The following CDH17 variants were observed in gnomAD, a reference collection of about 807,000 sequenced individuals.
The protein encoded by CDH17 is cadherin-17.
CDH17 carries 67 observed loss-of-function variants against 86.3 expected under a neutral mutation model. The observed-to-expected ratio is 0.78, with a 90% confidence interval of 0.64 to 0.95. The LOEUF (loss-of-function observed/expected upper bound fraction) is 0.95. Ranked by LOEUF, CDH17 falls within the 40% of genes least tolerant of loss-of-function variation. The probability of loss-of-function intolerance (pLI) is 0.00; values close to 1 mark genes in which losing one functional copy is unlikely to be tolerated. For missense variants in CDH17, 993 were observed against 1,017.6 expected (o/e 0.98, Z 0.33); for synonymous variants, 367 against 366.4 (o/e 1.00, Z -0.02).
At chr8:94,201,375 T>C (rs577487701) in intron 1 of CDH17, among the ~76,000 whole-genome samples, 57 of 152,186 alleles carry the variant, frequency 3.7e-4, no homozygotes, top group Non-Finnish European at 7.3e-4. Flanking sequence ...GTGACTTTAT[T>C]TGGAGTCTTT....
intron 15 of CDH17, among the ~76,000 whole-genome samples, chr8:94,144,495 G>C (rs531320082): frequency 6.6e-6 from 1 of 152,062 alleles, no homozygotes; most frequent in South Asian, 2.1e-4. Flanking sequence ...ATAAAGCAAA[G>C]TGCAATAAGA....
At chr8:94,205,188 T>A (rs1024640355) in intron 1 of CDH17, among the ~76,000 whole-genome samples, 18 of 152,140 alleles carry the variant, frequency 1.2e-4, no homozygotes, top group African/African-American at 3.4e-4. Context: ...CTCCCCCAGA[T>A]CTAGCAGAAC....
intron 2 of CDH17, among the ~76,000 whole-genome samples, chr8:94,192,311 C>T (rs1322420560): frequency 6.6e-6 from 1 of 152,176 alleles, no homozygotes; most frequent in African/African-American, 2.4e-5. Flanking sequence ...GACAAGATGG[C>T]GGCTTTATGC....
chr8:94,214,833 T>C (rs945738161), intron 1 of CDH17, among the ~76,000 whole-genome samples: 3 of 152,134 alleles, frequency 2.0e-5, no homozygotes, highest in African/African-American at 7.2e-5. Context: ...TGAATAGAAA[T>C]TTTTTAAAAG....
chr8:94,170,949 C>T lies in CDH17; in HGVS notation c.820G>A (p.Val274Ile). Residue 274 changes from valine (V) to isoleucine (I), a missense_variant, in exon 8 of 18, where the codon GTT becomes ATT. Coordinates refer to ENST00000027335, the MANE Select transcript of CDH17 (RefSeq NM_004063.4). Reference sequence around the variant, plus strand: ...AATCTTGGCAGCTTCTCTTTGTCAACTAAGGAATATTGTGCACCGGGATCA... The same window carrying T: ...AATCTTGGCAGCTTCTCTTTGTCAATTAAGGAATATTGTGCACCGGGATCA... ...WNDPGAQYSL[V>I]DKEKLPRFPF... The T allele has an allele frequency of 6.2e-7, 1 of 1,613,782 alleles. No individual in the cohort carries two copies. Among genetic ancestry groups the T allele is most frequent in the Non-Finnish European group, 8.5e-7 (1 of 1,179,820 alleles).
intron 15 of CDH17, among the ~76,000 whole-genome samples, chr8:94,139,902 A>AT (rs1428555361): frequency 3.4e-5 from 4 of 116,138 alleles, no homozygotes; most frequent in Non-Finnish European, 7.5e-5. Flanking sequence ...TAAAAAATAA[A>AT]TAAAAAAAAA....
chr8:94,155,735 A>G (rs73695133), intron 12 of CDH17, among the ~76,000 whole-genome samples: 1,622 of 152,272 alleles, frequency 0.011, 39 homozygotes, highest in African/African-American at 0.037. Context: ...TCTTAGAAAG[A>G]TAACTCCAGG....
chr8:94,170,435 G>T lies in CDH17; in HGVS notation c.1028C>A (p.Pro343Gln), dbSNP rs545102449. The change falls in exon 9 of 18, where the codon CCA becomes CAA. Residue 343 changes from proline to glutamine, a missense_variant. By Grantham distance (76) the Pro-to-Gln change is moderately conservative. Coordinates refer to ENST00000027335, the MANE Select transcript of CDH17 (RefSeq NM_004063.4). ...CTCCTGGACCTCAAATACGGTTACTGGTGACGGACATGTAGGTGGATTATC... is the reference window on the plus strand; with the variant it reads ...CTCCTGGACCTCAAATACGGTTACTTGTGACGGACATGTAGGTGGATTATC... Reference protein sequence around the residue: ...INDNPPTCPSPVTVFEVQENE... With the variant: ...INDNPPTCPSQVTVFEVQENE... 2 of 1,613,618 alleles carry T rather than the reference G, an allele frequency of 1.2e-6. No individual in the cohort carries two copies. The highest frequency in any genetic ancestry group is 2.7e-5 in the African/African-American group (2 of 74,874).
At chr8:94,155,590 A>C (rs1280458197) in intron 12 of CDH17, among the ~76,000 whole-genome samples, 3 of 152,176 alleles carry the variant, frequency 2.0e-5, no homozygotes, top group Admixed American at 2.0e-4. Context: ...TAAAGAAATG[A>C]GACACTGTGT....
chr8:94,161,768 A>G (rs559133597), intron 11 of CDH17, among the ~76,000 whole-genome samples: 12 of 152,368 alleles, frequency 7.9e-5, no homozygotes, highest in African/African-American at 2.6e-4. Context: ...AAAAAAATAT[A>G]TAATGACAAA....
intron 1 of CDH17, among the ~76,000 whole-genome samples, chr8:94,216,559 G>GT (rs11398344): frequency 0.092 from 4,701 of 50,846 alleles, 181 homozygotes; most frequent in African/African-American, 0.22. Flanking sequence ...GCTCCAGAGG[G>GT]TTTGTTTTTT....
chr8:94,162,920 A>G (rs1342839493), intron 10 of CDH17, among the ~76,000 whole-genome samples: 1 of 152,220 alleles, frequency 6.6e-6, no homozygotes, highest in Non-Finnish European at 1.5e-5. Context: ...CTGTTGTTCT[A>G]ACCATGGTGC....
At chr8:94,179,568 T>C (rs1813439189) in intron 3 of CDH17, among the ~76,000 whole-genome samples, 1 of 152,180 alleles carries the variant, frequency 6.6e-6, no homozygotes, top group Admixed American at 6.5e-5. Flanking sequence ...TCTGGCTGAC[T>C]TGGAGGCTCT....
At position 94,154,551 on chromosome 8, in the gene CDH17, C is replaced by T. The variant is rs928424046; in HGVS notation, c.1552-2439G>A. On this transcript the variant is annotated intron_variant, in intron 12 of 17. Transcript: ENST00000027335. ...TCTGCTGAGGACATGCCAGATGGAA[C>T]CAGGAATGAACATCAAGAAACCAAT... Among the ~76,000 whole-genome samples, 4 of 152,050 alleles carry T rather than the reference C, an allele frequency of 2.6e-5. No homozygotes were observed. In the East Asian group the frequency reaches 7.7e-4, roughly 29 times the overall value.
At chr8:94,207,595 ATG>A (rs1360913509) in intron 1 of CDH17, among the ~76,000 whole-genome samples, 1 of 152,182 alleles carries the variant, frequency 6.6e-6, no homozygotes, top group Non-Finnish European at 1.5e-5. Flanking sequence ...TCATCTAAAC[ATG>A]TGTTTTTTCT....
In CDH17 at chr8:94,145,943, C is replaced by T. The variant is rs778190844; in HGVS notation, c.2152G>A (p.Val718Ile). Residue 718 changes from valine (V) to isoleucine (I), a missense_variant, in exon 15 of 18, where the codon GTT becomes ATT. Transcript: ENST00000027335. Reference sequence around the variant, plus strand: ...GACAACTCACCATTGATTTTGGAAACTTCCCAGTCGTTTTGTAAGCTTCCA... The same window carrying T: ...GACAACTCACCATTGATTTTGGAAATTTCCCAGTCGTTTTGTAAGCTTCCA... ...GSGSLQNDWE[V>I]SKINGTHARL... 1 of 1,612,306 alleles carries T rather than the reference C, an allele frequency of 6.2e-7. No homozygotes were observed. Among genetic ancestry groups the T allele is most frequent in the Non-Finnish European group, 8.5e-7 (1 of 1,179,426 alleles).
intron 2 of CDH17, among the ~76,000 whole-genome samples, chr8:94,190,060 A>T (rs1813657779): frequency 6.6e-6 from 1 of 152,220 alleles, no homozygotes; most frequent in African/African-American, 2.4e-5. Flanking sequence ...TGGTAAGAAG[A>T]GTGGCTCACA....
chr8:94,166,834 C>T (rs1586255604), intron 9 of CDH17, among the ~76,000 whole-genome samples: 1 of 152,138 alleles, frequency 6.6e-6, no homozygotes, highest in African/African-American at 2.4e-5. Context: ...AGCCAGGGAA[C>T]ACCAGATGCC....
chr8:94,150,501 C>T (rs183947526), intron 13 of CDH17, among the ~76,000 whole-genome samples: 8 of 152,330 alleles, frequency 5.3e-5, no homozygotes, highest in Admixed American at 6.5e-5. Context: ...CTCAGACCAA[C>T]ACTGGAGTCA....
Sources: gnomAD v4.1 joint callset for allele counts (sites outside exome capture counted in the v4.1 genomes callset) on GRCh38, gnomAD v4.1.1 for gene constraint, MANE v1.5 for transcripts, NCBI Gene and HGNC (gene_info 2026-07-23, HGNC 2026-07-21) for gene names.